MTHFD1: variants seen among roughly 807,000 people sequenced by gnomAD.
MTHFD1 encodes methylenetetrahydrofolate dehydrogenase, cyclohydrolase and formyltetrahydrofolate synthetase 1.
A neutral mutation model predicts 110.3 loss-of-function variants in MTHFD1; 44 were observed. The observed-to-expected ratio is 0.40, with a 90% CI of 0.31 to 0.51. MTHFD1 has a LOEUF of 0.51. Among genes scored for constraint, MTHFD1 ranks in the 20% least tolerant of loss-of-function variants. The pLI, the probability that MTHFD1 is intolerant of heterozygous loss-of-function variation, is 0.60. For synonymous variants in MTHFD1, 402 were observed against 428.8 expected (o/e 0.94, Z 0.77); for missense variants, 909 against 1,173.1 (o/e 0.77, Z 3.29).
intron 17 of MTHFD1, among the ~76,000 whole-genome samples, chr14:64,439,587 A>G (rs976881352): frequency 2.6e-4 from 40 of 152,180 alleles, no homozygotes; most frequent in African/African-American, 9.4e-4. Context: ...TGGTCCTACT[A>G]TAACATTTAT....
At chr14:64,411,379 T>C (rs1335512251) in intron 3 of MTHFD1, among the ~76,000 whole-genome samples, 1 of 152,198 alleles carries the variant, frequency 6.6e-6, no homozygotes. Context: ...AGGATGTCAA[T>C]TGAGGAAAGT....
chr14:64,421,832 A>G (rs867448693), intron 8 of MTHFD1, among the ~76,000 whole-genome samples: 33 of 152,090 alleles, frequency 2.2e-4, no homozygotes, highest in Non-Finnish European at 4.3e-4. Flanking sequence ...TCACCATGTT[A>G]GCCAGGATGG....
intron 8 of MTHFD1, among the ~76,000 whole-genome samples, chr14:64,421,905 G>T (rs952477677): frequency 6.6e-6 from 1 of 152,072 alleles, no homozygotes; most frequent in Non-Finnish European, 1.5e-5. Flanking sequence ...GATTACAGGC[G>T]TGAGCCACCG....
intron 18 of MTHFD1, 178 bp downstream of exon 18, chr14:64,440,444 A>G: frequency 1.3e-6 from 1 of 759,942 alleles, no homozygotes; most frequent in Non-Finnish European, 2.3e-6. Flanking sequence ...AGTACATCAG[A>G]GTGAATAATA....
chr14:64,425,586 C>A (rs755780011), intron 9 of MTHFD1, 144 bp from the exon 10 acceptor site: 3 of 756,418 alleles, frequency 4.0e-6, no homozygotes, highest in South Asian at 1.5e-5. Flanking sequence ...TGCCTCTTGA[C>A]TCTTAGCTAG....
chr14:64,404,311 A>T (rs1340901838), intron 2 of MTHFD1, among the ~76,000 whole-genome samples: 1 of 152,006 alleles, frequency 6.6e-6, no homozygotes, highest in Non-Finnish European at 1.5e-5. Context: ...CTAATACCTA[A>T]ACCATTTGAA....
chr14:64,408,469 A>T (rs2077955792), intron 2 of MTHFD1, among the ~76,000 whole-genome samples: 1 of 152,028 alleles, frequency 6.6e-6, no homozygotes, highest in South Asian at 2.1e-4. Context: ...TTGTATTTTT[A>T]GTATAGATGG....
At chr14:64,451,491 C>T (rs2078372386) in intron 24 of MTHFD1, among the ~76,000 whole-genome samples, 1 of 152,210 alleles carries the variant, frequency 6.6e-6, no homozygotes, top group Admixed American at 6.5e-5. Context: ...TCCTGTTGAG[C>T]TTTGATTTTA....
intron 1 of MTHFD1, among the ~76,000 whole-genome samples, chr14:64,391,428 G>C (rs538555524): frequency 6.6e-6 from 1 of 152,334 alleles, no homozygotes; most frequent in East Asian, 1.9e-4. Flanking sequence ...ACCTCCTAAA[G>C]TGCTAGGATT....
At chr14:64,444,646 G>T in intron 21 of MTHFD1, 47 bp from the exon 22 acceptor site, 1 of 1,608,206 alleles carries the variant, frequency 6.2e-7, no homozygotes, top group South Asian at 1.1e-5. Context: ...TTTAAGCTAG[G>T]AGATTTAAAT....
chr14:64,460,010 G>T lies in MTHFD1; in HGVS notation c.*256G>T. On this transcript the variant is annotated 3_prime_UTR_variant, in exon 28 of 28. Transcript: ENST00000652337. ...TAAAAGGAAACAAGTTTGCCATCTT[G>T]GTGTTGCAATATGAATTACAGCCTT... The T allele has an allele frequency of 7.9e-7, 1 of 1,263,988 alleles. No individual in the cohort carries two copies. Among genetic ancestry groups the T allele is most frequent in the South Asian group, 1.4e-5 (1 of 71,650 alleles). 78.3% of individuals were successfully genotyped at this position (1,263,988 alleles called of 1,614,324 possible). A position where few individuals can be genotyped will look rare whatever the true frequency, so the allele number is the denominator to read the frequency against.
chr14:64,426,353 G>C (rs973277767), intron 11 of MTHFD1, among the ~76,000 whole-genome samples, 161 bp downstream of exon 11: 1 of 152,172 alleles, frequency 6.6e-6, no homozygotes, highest in Non-Finnish European at 1.5e-5. Flanking sequence ...ATCCTGAGAG[G>C]TAGGTAAGAA....
intron 1 of MTHFD1, among the ~76,000 whole-genome samples, chr14:64,400,131 G>A (rs912486081): frequency 6.6e-6 from 1 of 152,012 alleles, no homozygotes; most frequent in African/African-American, 2.4e-5. Flanking sequence ...GCTCACGCCT[G>A]TAATCCCAGC....
intron 18 of MTHFD1, 124 bp from the exon 19 acceptor site, chr14:64,441,261 C>T (rs1342164954): frequency 2.3e-6 from 2 of 861,886 alleles, no homozygotes; most frequent in African/African-American, 3.3e-5. Flanking sequence ...TGGTCCAATT[C>T]AGGTGAAAGT....
intron 25 of MTHFD1, 65 bp from the exon 26 acceptor site, chr14:64,454,658 C>A (rs1304945902): frequency 2.3e-6 from 3 of 1,324,592 alleles, no homozygotes; most frequent in South Asian, 2.4e-5. Flanking sequence ...ATCACAGGGC[C>A]CAGATGGTCA....
chr14:64,419,837 G>A lies in MTHFD1; in HGVS notation c.639G>A (p.Val213=). The change falls in exon 8 of 28, where the codon GTG becomes GTA. Residue 213 remains valine (V), a synonymous_variant. Coordinates refer to ENST00000652337, the MANE Select transcript of MTHFD1 (RefSeq NM_005956.4). ...AGGTAAATAAAGGTGACATCCTGGT[G>A]GTTGCAACTGGTCAGCCTGAAATGG... ...DEEVNKGDIL[V]VATGQPEMVK... 6.2e-7 allele frequency: 1 copy of A among 1,613,798 alleles called. No individual in the cohort carries two copies. The highest frequency in any genetic ancestry group is 8.5e-7 in the Non-Finnish European group (1 of 1,179,774).
rs760708528 is a variant in MTHFD1, at chr14:64,425,809, T to G, written c.935T>G (p.Leu312Arg). The G allele has an allele frequency of 3.7e-6, 6 of 1,613,786 alleles. No homozygotes were observed. The highest frequency in any genetic ancestry group is 5.1e-6 in the Non-Finnish European group (6 of 1,179,758). ...KWMIQYNNLN[L>R]KTPVPSDIDI... The stretch of plus-strand genomic sequence containing the variant: ...ATGATTCAGTATAACAACCTTAACC[T>G]CAAGACACCTGTTCCAAGGTAAAAA... The change falls in exon 10 of 28, where the codon CTC becomes CGC. Residue 312 changes from leucine (L) to arginine (R), a missense_variant. Physicochemically the swap from Leu to Arg is moderately radical, Grantham distance 102. Around this residue, in one of 3 missense-constraint regions of MTHFD1, gnomAD observed 424 missense variants for 510.4 expected, o/e 0.83. Transcript: ENST00000652337.
intron 18 of MTHFD1, chr14:64,440,778 G>T: frequency 4.3e-6 from 1 of 233,670 alleles, no homozygotes; most frequent in Non-Finnish European, 8.5e-6. Context: ...GCATTGTCGT[G>T]CTCTAAAATA....
chr14:64,427,780 C>G (rs2140965364), intron 12 of MTHFD1, among the ~76,000 whole-genome samples: 1 of 152,330 alleles, frequency 6.6e-6, no homozygotes, highest in Middle Eastern at 3.4e-3. Flanking sequence ...AGCTACTGAT[C>G]ATCTTACAGA....
Sources: allele counts gnomAD v4.1 joint callset (sites outside exome capture counted in the v4.1 genomes callset), GRCh38; gene constraint gnomAD v4.1.1; regional missense constraint gnomAD v4.1.1; transcripts MANE v1.5; gene names NCBI Gene and HGNC (gene_info 2026-07-23, HGNC 2026-07-21).